Variants in NAALADL2 observed in about 807,000 individuals in gnomAD.
NAALADL2 encodes N-acetylated alpha-linked acidic dipeptidase like 2.
Under a neutral mutation model 87.2 loss-of-function variants are expected in NAALADL2, and 76 were observed. The ratio of observed to expected loss-of-function variants is 0.87; its 90% CI spans 0.72 to 1.05. NAALADL2 has a LOEUF of 1.05. NAALADL2 is among the 50% of genes least tolerant of loss of function. The pLI is 0.00. For synonymous variants in NAALADL2, 354 were observed against 331.0 expected, an observed-to-expected ratio of 1.07 and a Z score of -0.75; for missense variants, 1,089 against 945.8, an observed-to-expected ratio of 1.15 and a Z score of -1.99.
intron 4 of NAALADL2, among the ~76,000 whole-genome samples, chr3:175,312,305 G>A (rs887717295): frequency 6.6e-6 from 1 of 152,092 alleles, no homozygotes; most frequent in African/African-American, 2.4e-5. Flanking sequence ...AAATAAGAAT[G>A]TACTATGAGA....
intron 4 of NAALADL2, among the ~76,000 whole-genome samples, chr3:175,318,473 GT>G (rs1759433566): frequency 6.6e-6 from 1 of 151,896 alleles, no homozygotes; most frequent in African/African-American, 2.4e-5. Context: ...GTCCAGCGAA[GT>G]TTTTATTTTT....
At chr3:175,502,502 C>T (rs1035594609) in intron 9 of NAALADL2, among the ~76,000 whole-genome samples, 1 of 152,094 alleles carries the variant, frequency 6.6e-6, no homozygotes, top group Non-Finnish European at 1.5e-5. Flanking sequence ...AACATTGGCT[C>T]TTCTTGCTTG....
intron 2 of NAALADL2, among the ~76,000 whole-genome samples, chr3:174,595,444 T>C (rs1365783591): frequency 2.0e-5 from 3 of 152,198 alleles, no homozygotes; most frequent in Non-Finnish European, 4.4e-5. Context: ...GTTCAGTCTG[T>C]ATGCTTTGTA....
At chr3:175,162,393 G>T (rs1344261271) in intron 2 of NAALADL2, among the ~76,000 whole-genome samples, 1 of 152,104 alleles carries the variant, frequency 6.6e-6, no homozygotes, top group Non-Finnish European at 1.5e-5. Context: ...GGTTGAAGTC[G>T]TATCAGTATG....
intron 1 of NAALADL2, among the ~76,000 whole-genome samples, chr3:175,089,391 T>C (rs1374338281): frequency 6.6e-6 from 1 of 152,022 alleles, no homozygotes; most frequent in African/African-American, 2.4e-5. Context: ...TTTAAAAGAG[T>C]AGGTTTTGAG....
At position 175,429,027 on chromosome 3, in the gene NAALADL2, T is replaced by A. The variant is rs57796071; in HGVS notation, c.1091-18202T>A. The stretch of plus-strand genomic sequence containing the variant: ...AAACCAAATGAATGATATTGGTTTT[T>A]TCTGGAGAGGGATGGAGGGAGGGCA... On this transcript the variant is annotated intron_variant, in intron 5 of 13. Transcript: ENST00000454872. 8.7e-3 allele frequency among the ~76,000 whole-genome samples: 1,316 copies of A among 152,066 alleles called. 20 individuals carry two copies. Among genetic ancestry groups the A allele is most frequent in the African/African-American group, 0.029 (1,223 of 41,506 alleles).
intron 2 of NAALADL2, among the ~76,000 whole-genome samples, chr3:174,643,109 G>T (rs2593848): frequency 0.15 from 22,369 of 152,008 alleles, 1,810 homozygotes; most frequent in South Asian, 0.27. Context: ...AGCAAGAAAA[G>T]TGTTGGCTGA....
chr3:175,379,267 A>G (rs920988259), intron 5 of NAALADL2, among the ~76,000 whole-genome samples: 1 of 152,012 alleles, frequency 6.6e-6, no homozygotes, highest in Admixed American at 6.6e-5. Flanking sequence ...GTGAAAAATA[A>G]AGGAGTTAAA....
rs377432346 is a variant in NAALADL2, at chr3:174,659,386, A to G, written c.-114-78255A>G. Among the ~76,000 whole-genome samples, 25 of 152,332 alleles carry G rather than the reference A, an allele frequency of 1.6e-4. No homozygotes were observed. The East Asian group carries it at 2.9e-3, about 18-fold the overall frequency. On this transcript the variant is annotated intron_variant, in intron 2 of 3. Transcript: ENST00000434257. The stretch of plus-strand genomic sequence containing the variant: ...CAATGTTATTTTCAATTTGAGAACT[A>G]GTTCATATTCTTTGCTACGTGTATT...
intron 10 of NAALADL2, among the ~76,000 whole-genome samples, chr3:175,621,568 C>T (rs1726237700): frequency 6.6e-6 from 1 of 152,034 alleles, no homozygotes; most frequent in South Asian, 2.1e-4. Context: ...TACGGTTGGC[C>T]CTACATTTCT....
intron 1 of NAALADL2, among the ~76,000 whole-genome samples, chr3:175,089,960 ACT>A (rs1719772504): frequency 6.7e-6 from 1 of 150,076 alleles, no homozygotes; most frequent in African/African-American, 2.5e-5. Flanking sequence ...TTTCTCCTCC[ACT>A]CTTTTTTTAT....
At chr3:174,967,695 C>T (rs1394093584) in intron 1 of NAALADL2, among the ~76,000 whole-genome samples, 1 of 152,142 alleles carries the variant, frequency 6.6e-6, no homozygotes, top group African/African-American at 2.4e-5. Context: ...ACAGCCAGTA[C>T]CATGTGATTG....
intron 4 of NAALADL2, among the ~76,000 whole-genome samples, chr3:175,318,119 C>T (rs930691107): frequency 2.6e-5 from 4 of 151,904 alleles, no homozygotes; most frequent in Non-Finnish European, 4.4e-5. Flanking sequence ...GTATGCCTCT[C>T]TTTATAGTAG....
At chr3:175,753,225 A>G (rs2150128284) in intron 12 of NAALADL2, among the ~76,000 whole-genome samples, 1 of 152,280 alleles carries the variant, frequency 6.6e-6, no homozygotes, top group Middle Eastern at 3.4e-3. Flanking sequence ...AGCCTCAAGC[A>G]TTATTTCTCC....
chr3:174,908,410 G>A (rs1733247987), intron 1 of NAALADL2, among the ~76,000 whole-genome samples: 1 of 152,042 alleles, frequency 6.6e-6, no homozygotes, highest in African/African-American at 2.4e-5. Context: ...TCTTTAAAAT[G>A]TCAGTGCTGT....
intron 2 of NAALADL2, among the ~76,000 whole-genome samples, chr3:174,558,638 G>A (rs1011713524): frequency 6.6e-6 from 1 of 152,026 alleles, no homozygotes; most frequent in Non-Finnish European, 1.5e-5. Context: ...AGGGGGAGAA[G>A]CTCAGGCCAT....
In NAALADL2 at chr3:175,363,847, A is replaced by G. The variant is rs1765281109; in HGVS notation, c.1090+39522A>G. 1.3e-5 allele frequency among the ~76,000 whole-genome samples: 2 copies of G among 148,148 alleles called. 1 individual carries two copies. Among genetic ancestry groups the G allele is most frequent in the African/African-American group, 4.9e-5 (2 of 40,786 alleles). On this transcript the variant is annotated intron_variant, in intron 5 of 13. Transcript: ENST00000454872. ...CTGGGTTTTGTAATCTCTCAAATAT[A>G]TTCACAAAATAAAACTGATATTGGG...
At chr3:174,901,342 A>G (rs573727880) in intron 1 of NAALADL2, among the ~76,000 whole-genome samples, 3 of 152,314 alleles carry the variant, frequency 2.0e-5, no homozygotes, top group Non-Finnish European at 4.4e-5. Context: ...TGTGAGAAGT[A>G]CATGAGCCCT....
intron 2 of NAALADL2, among the ~76,000 whole-genome samples, chr3:175,115,943 A>G (rs540522728): frequency 2.0e-5 from 3 of 152,042 alleles, no homozygotes; most frequent in Non-Finnish European, 4.4e-5. Flanking sequence ...ATGCAAATCA[A>G]TAAATGTAAT....
Sources: allele counts gnomAD v4.1 joint callset (sites outside exome capture counted in the v4.1 genomes callset), GRCh38; gene constraint gnomAD v4.1.1; transcripts MANE v1.5; gene names NCBI Gene and HGNC (gene_info 2026-07-23, HGNC 2026-07-21).